ZNF469: variants seen among roughly 807,000 people sequenced by gnomAD.
The protein encoded by ZNF469 is zinc finger protein 469.
A neutral mutation model predicts 1.0 loss-of-function variants in ZNF469; 1 was observed. The observed-to-expected ratio is 1.00, with a 90% CI of 0.35 to 4.73. The LOEUF is 4.73. Ranked by LOEUF, ZNF469 falls within the 30% of genes most tolerant of loss-of-function variation. The pLI is 0.16. For synonymous variants in ZNF469, 2,703 were observed against 2,363.4 expected, an observed-to-expected ratio of 1.14 and a Z score of -4.17; for missense variants, 6,100 against 5,356.3, an observed-to-expected ratio of 1.14 and a Z score of -4.33.
the ZNF469 span, among the ~76,000 whole-genome samples, chr16:88,294,178 C>T: frequency 6.6e-6 from 1 of 152,206 alleles, no homozygotes; most frequent in Admixed American, 6.5e-5. Flanking sequence ...ACACATGGGA[C>T]CAGTGACAAA....
At chr16:88,258,371 A>C in the ZNF469 span, among the ~76,000 whole-genome samples, 1 of 151,788 alleles carries the variant, frequency 6.6e-6, no homozygotes, top group Non-Finnish European at 1.5e-5. Context: ...GGGAGGGGCC[A>C]CTCCCATGAG....
At chr16:88,245,004 G>C in the ZNF469 span, among the ~76,000 whole-genome samples, 3 of 151,966 alleles carry the variant, frequency 2.0e-5, no homozygotes, top group Admixed American at 2.0e-4. Context: ...CGGAAGACTA[G>C]GCCTTGTCCT....
At chr16:88,419,102 G>A (rs1332230313) in intron 1 of ZNF469, among the ~76,000 whole-genome samples, 1 of 152,246 alleles carries the variant, frequency 6.6e-6, no homozygotes, top group Non-Finnish European at 1.5e-5. Flanking sequence ...CAGCCTTGCT[G>A]TCTCGGGTGA....
At chr16:88,265,305 G>A in the ZNF469 span, among the ~76,000 whole-genome samples, 67 of 152,330 alleles carry the variant, frequency 4.4e-4, no homozygotes, top group African/African-American at 1.5e-3. Context: ...GGAGGCAGGA[G>A]GCCAGGGGCC....
chr16:88,397,144 C>G (rs978911267), intron 1 of ZNF469, among the ~76,000 whole-genome samples: 13 of 152,260 alleles, frequency 8.5e-5, no homozygotes, highest in African/African-American at 3.1e-4. Context: ...AAGTGGCCCC[C>G]AGGGCTGAGG....
chr16:88,323,779 CT>C, the ZNF469 span, among the ~76,000 whole-genome samples: 2 of 152,214 alleles, frequency 1.3e-5, no homozygotes. Flanking sequence ...CACTCTGCCC[CT>C]GGCACATGCC....
In ZNF469 at chr16:88,439,037, G is replaced by A. The variant is rs187075195; in HGVS notation, c.11567G>A (p.Arg3856His). Residue 3856 changes from arginine (R) to histidine (H), a missense_variant, in exon 3 of 3, where the codon CGC (arginine) becomes CAC (histidine). Arg to His is a conservative substitution (Grantham distance 29). Coordinates refer to ENST00000565624, the MANE Select transcript of ZNF469 (RefSeq NM_001367624.2). ...RTPRKQATPSRVLPTKPKPNS... is the reference protein window; with the variant it reads ...RTPRKQATPSHVLPTKPKPNS... ...CCTCGGAAGCAGGCAACTCCCAGCC[G>A]CGTGCTCCCGACCAAGCCCAAGCCC... 3.2e-5 allele frequency: 50 copies of A among 1,549,944 alleles called. No individual in the cohort carries two copies. In the Middle Eastern group the frequency reaches 6.7e-4, roughly 21 times the overall value.
the ZNF469 span, among the ~76,000 whole-genome samples, chr16:88,161,160 CAA>C: frequency 4.2e-5 from 6 of 143,882 alleles, no homozygotes; most frequent in East Asian, 2.1e-4. Context: ...GACTCCATCT[CAA>C]AAAAAAAAAA....
chr16:88,159,551 G>C, the ZNF469 span, among the ~76,000 whole-genome samples: 1 of 152,298 alleles, frequency 6.6e-6, no homozygotes, highest in Non-Finnish European at 1.5e-5. Flanking sequence ...AGCGTACGGA[G>C]AGAGGGGTGG....
Position 88,429,447 on chromosome 16 carries a change from C to G in ZNF469, c.1977C>G (p.Thr659=), listed in dbSNP as rs778939804. Reference sequence around the variant, plus strand: ...CGGAGCCCCCCCACTCCCTCCCCACCCACTACCAGCCAGAGCCAGCCAAGG... The same window carrying G: ...CGGAGCCCCCCCACTCCCTCCCCACGCACTACCAGCCAGAGCCAGCCAAGG... The part of the protein sequence containing the change: ...PSPEPPHSLP[T]HYQPEPAKAF... Residue 659 remains threonine (T), a synonymous_variant, in exon 3 of 3, where the codon ACC becomes ACG. Transcript: ENST00000565624. 9 of 1,549,278 alleles carry G rather than the reference C, an allele frequency of 5.8e-6. No individual in the cohort carries two copies. The highest frequency in any genetic ancestry group is 1.4e-5 in the African/African-American group (1 of 72,986).
At chr16:88,398,557 GAA>G (rs372724730) in intron 1 of ZNF469, among the ~76,000 whole-genome samples, 38,227 of 150,102 alleles carry the variant, frequency 0.25, 5,380 homozygotes, top group African/African-American at 0.39. Context: ...CAGATGAAGA[GAA>G]TGCGCGAGCC....
the ZNF469 span, among the ~76,000 whole-genome samples, chr16:88,106,203 G>A: frequency 8.5e-4 from 129 of 152,300 alleles, no homozygotes; most frequent in African/African-American, 2.6e-3. Context: ...GCCTCCACCC[G>A]CGCCCCCACA....
chr16:88,328,502 C>A, the ZNF469 span, among the ~76,000 whole-genome samples: 1 of 152,198 alleles, frequency 6.6e-6, no homozygotes, highest in Non-Finnish European at 1.5e-5. Flanking sequence ...AACGCCACGG[C>A]CCCAGTGCAA....
chr16:88,239,199 G>A, the ZNF469 span, among the ~76,000 whole-genome samples: 9 of 152,028 alleles, frequency 5.9e-5, no homozygotes, highest in African/African-American at 2.2e-4. Context: ...TATTCTCTGG[G>A]GTTTTTCTAC....
At chr16:88,129,260 G>A in the ZNF469 span, among the ~76,000 whole-genome samples, 17 of 152,270 alleles carry the variant, frequency 1.1e-4, no homozygotes, top group Non-Finnish European at 2.4e-4. Context: ...CTTAAAGTGG[G>A]GTTAGCCTTA....
the ZNF469 span, among the ~76,000 whole-genome samples, chr16:88,331,514 ATCC>A: frequency 0.065 from 9,719 of 149,376 alleles, 358 homozygotes; most frequent in East Asian, 0.12. Flanking sequence ...CACCACCATC[ATCC>A]TCATCACTAC....
At chr16:88,143,544 T>C in the ZNF469 span, among the ~76,000 whole-genome samples, 1 of 152,168 alleles carries the variant, frequency 6.6e-6, no homozygotes, top group Non-Finnish European at 1.5e-5. Flanking sequence ...GCTCCCCCCA[T>C]GCGTGGCCCA....
Position 88,417,844 on chromosome 16 carries a change from G to A in ZNF469, c.-191-6963G>A, listed in dbSNP as rs571517626. Among the ~76,000 whole-genome samples the A allele has an allele frequency of 2.6e-3, 389 of 152,352 alleles. 2 individuals carry two copies. The highest frequency in any genetic ancestry group is 4.3e-3 in the Non-Finnish European group (291 of 68,034). On this transcript the variant is annotated intron_variant, in intron 1 of 2. Transcript: ENST00000565624. ...CCCATGGCCTGGCAGGGGAGTGTGC[G>A]TGAGCCCACGTGTGCATGGGCATGT... is the stretch of plus-strand genomic sequence containing the variant.
At chr16:88,118,019 C>T in the ZNF469 span, among the ~76,000 whole-genome samples, 7 of 152,196 alleles carry the variant, frequency 4.6e-5, no homozygotes, top group Non-Finnish European at 8.8e-5. Flanking sequence ...CTCATCTCAC[C>T]GCAACCTCCG....
Sources: gnomAD v4.1 joint callset for allele counts (sites outside exome capture counted in the v4.1 genomes callset) on GRCh38, gnomAD v4.1.1 for gene constraint, MANE v1.5 for transcripts, NCBI Gene and HGNC (gene_info 2026-07-23, HGNC 2026-07-21) for gene names.